The following BLOC1S5 variants were observed in gnomAD, a reference collection of about 807,000 sequenced individuals.
The protein encoded by BLOC1S5 is biogenesis of lysosome-related organelles complex 1 subunit 5.
Under a neutral mutation model 24.3 loss-of-function variants are expected in BLOC1S5, and 27 were observed. The ratio of observed to expected loss-of-function variants is 1.11; its 90% CI spans 0.82 to 1.53. The LOEUF is 1.53. Ranked by LOEUF, BLOC1S5 falls within the 40% of genes most tolerant of loss-of-function variation. BLOC1S5 has a pLI of 0.00. For missense variants in BLOC1S5, 239 were observed against 229.4 expected (o/e 1.04, Z -0.27); for synonymous variants, 84 against 74.5 (o/e 1.13, Z -0.66).
intron 3 of BLOC1S5, among the ~76,000 whole-genome samples, chr6:8,035,974 T>C (rs571486645): frequency 6.6e-6 from 1 of 152,226 alleles, no homozygotes; most frequent in East Asian, 1.9e-4. Flanking sequence ...ACAGATCATA[T>C]CTTAGGCCAC....
Position 8,017,166 on chromosome 6 carries a change from A to G in BLOC1S5, c.385-1338T>C, listed in dbSNP as rs114257196. Among the ~76,000 whole-genome samples, 1,476 of 152,334 alleles carry G rather than the reference A, an allele frequency of 9.7e-3. 27 individuals carry two copies. The highest frequency in any genetic ancestry group is 0.034 in the African/African-American group (1,405 of 41,574). ...AATCTAAATAGAGTATGAAAAAATA[A>G]CTTTATATCCCTATTTCAACTATTC... On this transcript the variant is annotated intron_variant, in intron 4 of 4. Transcript: ENST00000397457.
chr6:8,014,067 A>T lies in BLOC1S5; in HGVS notation c.*1582T>A, dbSNP rs1356146229. On this transcript the variant is annotated 3_prime_UTR_variant, in exon 5 of 5. Coordinates refer to ENST00000397457, the MANE Select transcript of BLOC1S5 (RefSeq NM_201280.3). The stretch of plus-strand genomic sequence containing the variant: ...CAGTAAGCCATACATTTACACAGGC[A>T]GGCATTGTCAATTTTCTGCAGTCGC... 1 of 152,200 alleles carries T rather than the reference A, an allele frequency of 6.6e-6. No individual in the cohort carries two copies. Among genetic ancestry groups the T allele is most frequent in the African/African-American group, 2.4e-5 (1 of 41,446 alleles). The allele number at this position is 152,200 out of a possible 1,614,324, so 9.4% of individuals were successfully genotyped here.
Position 8,064,362 on chromosome 6 carries a change from C to T in BLOC1S5, c.15G>A (p.Gly5=), listed in dbSNP as rs369430601. ...CCTCACAACCCACAGGGGTCTCTGTCCCTCCGCCACTCATCCCGACCAGTT... is the reference window on the plus strand; with the variant it reads ...CCTCACAACCCACAGGGGTCTCTGTTCCTCCGCCACTCATCCCGACCAGTT... MSGG[G]TETPVGCEAA... Residue 5 remains glycine, a synonymous_variant, in exon 1 of 5, where the codon GGG becomes GGA. Coordinates refer to ENST00000397457, the MANE Select transcript of BLOC1S5 (RefSeq NM_201280.3). 3.7e-6 allele frequency: 6 copies of T among 1,610,608 alleles called. No homozygotes were observed. The highest frequency in any genetic ancestry group is 3.4e-6 in the Non-Finnish European group (4 of 1,179,706).
intron 2 of BLOC1S5, among the ~76,000 whole-genome samples, chr6:8,049,610 T>C (rs1225435311): frequency 1.3e-5 from 2 of 152,202 alleles, no homozygotes; most frequent in Admixed American, 6.5e-5. Context: ...ATCTCCTCCA[T>C]AGCTTTCCCT....
At chr6:8,050,397 C>A (rs1392746757) in intron 2 of BLOC1S5, among the ~76,000 whole-genome samples, 1 of 152,102 alleles carries the variant, frequency 6.6e-6, no homozygotes, top group Non-Finnish European at 1.5e-5. Context: ...CCTCCGTATT[C>A]CCTGTGACAC....
At chr6:8,031,867 G>C (rs1763310948) in intron 3 of BLOC1S5, among the ~76,000 whole-genome samples, 1 of 152,136 alleles carries the variant, frequency 6.6e-6, no homozygotes, top group Non-Finnish European at 1.5e-5. Context: ...ATAAACTAGA[G>C]AAAGGACACC....
chr6:8,047,136 A>G (rs1406350838), intron 2 of BLOC1S5, among the ~76,000 whole-genome samples: 4 of 119,420 alleles, frequency 3.3e-5, no homozygotes, highest in Non-Finnish European at 7.1e-5. Context: ...ACAAACAATA[A>G]GACCACCTCT....
chr6:8,056,976 G>A (rs1484780420), intron 2 of BLOC1S5, among the ~76,000 whole-genome samples: 1 of 152,180 alleles, frequency 6.6e-6, no homozygotes, highest in Non-Finnish European at 1.5e-5. Context: ...CAGCACTTTG[G>A]GAGGCCGAGG....
chr6:8,038,116 C>T (rs2113554981), intron 3 of BLOC1S5, among the ~76,000 whole-genome samples: 1 of 152,216 alleles, frequency 6.6e-6, no homozygotes, highest in Admixed American at 6.5e-5. Flanking sequence ...TCTGTAAGAC[C>T]TCAAAAGTAA....
intron 2 of BLOC1S5, among the ~76,000 whole-genome samples, chr6:8,046,100 A>AG (rs1406308414): frequency 6.6e-6 from 1 of 152,156 alleles, no homozygotes; most frequent in Admixed American, 6.5e-5. Context: ...GGAAGAACCC[A>AG]GGGGGAGGTA....
chr6:8,044,367 A>C (rs1021892968), intron 2 of BLOC1S5, among the ~76,000 whole-genome samples: 2 of 151,630 alleles, frequency 1.3e-5, no homozygotes, highest in Non-Finnish European at 2.9e-5. Context: ...TGGAACTGTA[A>C]GTCCAATTAA....
At chr6:8,021,657 ATGGT>A (rs72128064) in intron 4 of BLOC1S5, among the ~76,000 whole-genome samples, 5,933 of 152,216 alleles carry the variant, frequency 0.039, 360 homozygotes, top group African/African-American at 0.13. Flanking sequence ...GATGGTGGTG[ATGGT>A]TGAACAACAA....
At chr6:8,031,602 G>A (rs1216542654) in intron 3 of BLOC1S5, among the ~76,000 whole-genome samples, 1 of 145,822 alleles carries the variant, frequency 6.9e-6, no homozygotes, top group Non-Finnish European at 1.5e-5. Context: ...AATATTCACA[G>A]CACTAGAAAA....
At chr6:8,061,310 T>C (rs964047583) in intron 2 of BLOC1S5, among the ~76,000 whole-genome samples, 2 of 152,314 alleles carry the variant, frequency 1.3e-5, no homozygotes, top group Non-Finnish European at 2.9e-5. Flanking sequence ...TTTTAAATGA[T>C]GACGATGTGG....
rs1257690094 is a variant in BLOC1S5, at chr6:8,015,597, G to A, written c.*52C>T. On this transcript the variant is annotated 3_prime_UTR_variant, in exon 5 of 5. Coordinates refer to ENST00000397457, the MANE Select transcript of BLOC1S5 (RefSeq NM_201280.3). ...AACGGTCTGGTGGGAATAGTTTTCAGGAGAGAGGTGAACATCTTCTCATTA... is the reference window on the plus strand; with the variant it reads ...AACGGTCTGGTGGGAATAGTTTTCAAGAGAGAGGTGAACATCTTCTCATTA... 6.4e-7 allele frequency: 1 copy of A among 1,550,904 alleles called. No individual in the cohort carries two copies. The highest frequency in any genetic ancestry group is 8.8e-7 in the Non-Finnish European group (1 of 1,138,716).
intron 2 of BLOC1S5, among the ~76,000 whole-genome samples, chr6:8,052,933 T>C (rs1764173983): frequency 1.3e-5 from 2 of 151,518 alleles, no homozygotes; most frequent in Non-Finnish European, 2.9e-5. Flanking sequence ...AAGATGTGAC[T>C]GAATTGCTGC....
At chr6:8,044,465 C>T (rs939847348) in intron 2 of BLOC1S5, among the ~76,000 whole-genome samples, 2 of 151,702 alleles carry the variant, frequency 1.3e-5, no homozygotes, top group Non-Finnish European at 1.5e-5. Context: ...TAGAGTGGGG[C>T]GTGGCTGAAA....
chr6:8,040,321 A>G (rs1011287205), intron 3 of BLOC1S5, among the ~76,000 whole-genome samples: 1 of 152,202 alleles, frequency 6.6e-6, no homozygotes, highest in African/African-American at 2.4e-5. Context: ...GAAAATTCTA[A>G]CTAGTAAAGT....
chr6:8,043,175 T>C (rs1056393660), intron 2 of BLOC1S5, among the ~76,000 whole-genome samples: 3 of 151,998 alleles, frequency 2.0e-5, no homozygotes, highest in African/African-American at 7.3e-5. Flanking sequence ...TTCCAGAAAA[T>C]AGAGCAAAAC....
Sources: allele counts gnomAD v4.1 joint callset (sites outside exome capture counted in the v4.1 genomes callset), GRCh38; gene constraint gnomAD v4.1.1; transcripts MANE v1.5; gene names NCBI Gene and HGNC (gene_info 2026-07-23, HGNC 2026-07-21).